KPNA6: variants seen among roughly 807,000 people sequenced by gnomAD.
KPNA6 encodes karyopherin subunit alpha 6.
In KPNA6, 9 loss-of-function variants were observed where a neutral mutation model predicts 72.0. The ratio of observed to expected loss-of-function variants is 0.13; its 90% CI spans 0.08 to 0.22. The LOEUF is 0.22. Ranked by LOEUF, KPNA6 falls within the 10% of genes least tolerant of loss-of-function variation. The pLI is 1.00. For synonymous variants in KPNA6, 219 were observed against 242.1 expected (o/e 0.90, Z 0.89); for missense variants, 374 against 655.7 (o/e 0.57, Z 4.69).
chr1:32,136,092 T>A (rs1028801870), intron 1 of KPNA6, among the ~76,000 whole-genome samples: 2 of 152,184 alleles, frequency 1.3e-5, no homozygotes, highest in African/African-American at 4.8e-5. Flanking sequence ...TTGTAGTAGA[T>A]GTGTCTTACA....
Position 32,159,548 on chromosome 1 carries a change from G to A in KPNA6, c.558+17G>A. 6.2e-7 allele frequency: 1 copy of A among 1,611,672 alleles called. No individual in the cohort carries two copies. The highest frequency in any genetic ancestry group is 8.5e-7 in the Non-Finnish European group (1 of 1,178,822). Reference sequence around the variant, plus strand: ...CAGGAACAGGTAATGCTTAGATTTGGTGTGATTCTTTATAGTACCTGTGGT... The same window carrying A: ...CAGGAACAGGTAATGCTTAGATTTGATGTGATTCTTTATAGTACCTGTGGT... On this transcript the variant is annotated intron_variant, in intron 6 of 13. Coordinates refer to ENST00000373625, the MANE Select transcript of KPNA6 (RefSeq NM_012316.5).
At chr1:32,150,127 C>CTTTTTTTTTTTTTTTGTTTTTTTTTTTT (rs1642002135) in intron 1 of KPNA6, among the ~76,000 whole-genome samples, 1 of 87,058 alleles carries the variant, frequency 1.1e-5, no homozygotes, top group Non-Finnish European at 2.2e-5. Flanking sequence ...AATTTTTAGT[C>CTTTTTTTTTTTTTTTGTTTTTTTTTTTT]TTTTTTTTTT....
At chr1:32,137,725 G>A (rs561784424) in intron 1 of KPNA6, among the ~76,000 whole-genome samples, 2 of 152,282 alleles carry the variant, frequency 1.3e-5, no homozygotes, top group South Asian at 4.1e-4. Context: ...TTTATTGGAG[G>A]TGGTCAGTAG....
Position 32,166,226 on chromosome 1 carries a change from T to C in KPNA6, c.1112T>C (p.Ile371Thr). ...SNITAGNRAQ[I>T]QAVIDANIFP... is the part of the protein sequence containing the mutation. The stretch of plus-strand genomic sequence containing the variant: ...ATTACTGCTGGCAACAGGGCTCAAA[T>C]ACAGGTAAAACAGGCAGGGAAGTCA... The change falls in exon 11 of 14, where the codon ATA (isoleucine) becomes ACA (threonine). Residue 371 changes from isoleucine (I) to threonine (T), a missense_variant. This residue lies in a region of KPNA6 where 298 missense variants were observed against 495.4 expected (regional missense o/e 0.60). Coordinates refer to ENST00000373625, the MANE Select transcript of KPNA6 (RefSeq NM_012316.5). 1 of 1,612,690 alleles carries C rather than the reference T, an allele frequency of 6.2e-7. No individual in the cohort carries two copies. Among genetic ancestry groups the C allele is most frequent in the Non-Finnish European group, 8.5e-7 (1 of 1,179,570 alleles).
chr1:32,161,853 T>G, intron 7 of KPNA6, 94 bp from the exon 8 acceptor site: 9 of 885,912 alleles, frequency 1.0e-5, no homozygotes, highest in Non-Finnish European at 1.6e-5. Context: ...TGCTAGAGTC[T>G]GAGAGGTCTC....
At chr1:32,115,769 G>A (rs1259507134) in intron 1 of KPNA6, among the ~76,000 whole-genome samples, 1 of 151,638 alleles carries the variant, frequency 6.6e-6, no homozygotes, top group Non-Finnish European at 1.5e-5. Flanking sequence ...TTTTTGAGAC[G>A]GAGTCTCACT....
At chr1:32,139,741 TTTG>T (rs1641805763) in intron 1 of KPNA6, among the ~76,000 whole-genome samples, 2 of 152,216 alleles carry the variant, frequency 1.3e-5, no homozygotes, top group African/African-American at 4.8e-5. Flanking sequence ...TTAAAATGGC[TTTG>T]TTGTTTGCAG....
chr1:32,129,648 C>T (rs535711794), intron 1 of KPNA6, among the ~76,000 whole-genome samples: 31 of 152,200 alleles, frequency 2.0e-4, no homozygotes, highest in Admixed American at 1.5e-3. Flanking sequence ...CTTGATCTCC[C>T]GGGCTCAAGT....
In KPNA6 at chr1:32,166,172, G is replaced by A. The variant is rs1642334614; in HGVS notation, c.1058G>A (p.Arg353Gln). 4 of 1,614,086 alleles carry A rather than the reference G, an allele frequency of 2.5e-6. No homozygotes were observed. The highest frequency in any genetic ancestry group is 3.4e-6 in the Non-Finnish European group (4 of 1,180,010). ...TTGAGCAGTCCCAAGGAGTCAATCC[G>A]GAAGGAAGCTTGCTGGACTATTTCA... is the stretch of plus-strand genomic sequence containing the variant. ...HLLSSPKESI[R>Q]KEACWTISNI... Residue 353 changes from arginine to glutamine, a missense_variant, in exon 11 of 14, where the codon CGG becomes CAG. This residue lies in a region of KPNA6 where 298 missense variants were observed against 495.4 expected (regional missense o/e 0.60). Coordinates refer to ENST00000373625, the MANE Select transcript of KPNA6 (RefSeq NM_012316.5).
At chr1:32,157,507 A>G (rs41311207) in intron 4 of KPNA6, 62 bp downstream of exon 4, 102,948 of 1,216,554 alleles carry the variant, frequency 0.085, 6,346 homozygotes, top group South Asian at 0.23. Flanking sequence ...CTCTTCACTG[A>G]TGTCATCAAC....
chr1:32,108,765 A>G (rs888924528), intron 1 of KPNA6, among the ~76,000 whole-genome samples: 24 of 152,204 alleles, frequency 1.6e-4, no homozygotes, highest in African/African-American at 5.8e-4. Flanking sequence ...ACCAAAGGCC[A>G]AGTCCTCTTG....
intron 1 of KPNA6, among the ~76,000 whole-genome samples, chr1:32,141,766 T>C (rs529715805): frequency 6.6e-6 from 1 of 152,202 alleles, no homozygotes; most frequent in East Asian, 1.9e-4. Flanking sequence ...TTTACTTCGA[T>C]TGTCGCCTTT....
At chr1:32,128,387 T>TATATATA (rs1553127101) in intron 1 of KPNA6, among the ~76,000 whole-genome samples, 2 of 72,168 alleles carry the variant, frequency 2.8e-5, no homozygotes, top group South Asian at 4.8e-4. Context: ...ATATATGTAT[T>TATATATA]TATATATATA....
At chr1:32,115,129 C>G (rs1005396220) in intron 1 of KPNA6, among the ~76,000 whole-genome samples, 1 of 151,762 alleles carries the variant, frequency 6.6e-6, no homozygotes, top group Non-Finnish European at 1.5e-5. Flanking sequence ...CATGAGCCAC[C>G]ACACCCGGCT....
At position 32,173,869 on chromosome 1, in the gene KPNA6, T is replaced by C. The variant is rs951998363; in HGVS notation, c.*2975T>C. 2 of 152,334 alleles carry C rather than the reference T, an allele frequency of 1.3e-5. No homozygotes were observed. Among genetic ancestry groups the C allele is most frequent in the Admixed American group, 1.3e-4 (2 of 15,278 alleles). 9.4% of individuals were successfully genotyped at this position (152,334 alleles called of 1,614,324 possible). ...GTTGGCATATGGCTGGTCTATCCTTTTTAAGATCTCTGGTTGGGGGTATCT... is the reference window on the plus strand; with the variant it reads ...GTTGGCATATGGCTGGTCTATCCTTCTTAAGATCTCTGGTTGGGGGTATCT... On this transcript the variant is annotated 3_prime_UTR_variant, in exon 14 of 14. Coordinates refer to ENST00000373625, the MANE Select transcript of KPNA6 (RefSeq NM_012316.5).
chr1:32,156,506 C>T lies in KPNA6; in HGVS notation c.139-347C>T, dbSNP rs543445608. Among the ~76,000 whole-genome samples, 4 of 152,252 alleles carry T rather than the reference C, an allele frequency of 2.6e-5. No homozygotes were observed. The East Asian group carries it at 5.8e-4, about 22-fold the overall frequency. On this transcript the variant is annotated intron_variant, in intron 2 of 13. Transcript: ENST00000373625. ...TTATTAAGTGACTAACTGGCAGCAG[C>T]GTATACAGCATGGAATGGATGCACT...
intron 1 of KPNA6, among the ~76,000 whole-genome samples, chr1:32,119,801 G>C (rs1240293570): frequency 1.3e-5 from 2 of 148,766 alleles, no homozygotes; most frequent in Admixed American, 1.4e-4. Flanking sequence ...CTAGAGTGCA[G>C]TGGCACGATC....
chr1:32,133,806 G>A (rs1293980469), intron 1 of KPNA6, among the ~76,000 whole-genome samples: 2 of 152,082 alleles, frequency 1.3e-5, no homozygotes, highest in African/African-American at 4.8e-5. Flanking sequence ...TTTGGAGGCC[G>A]AGGCAGGCGG....
intron 1 of KPNA6, among the ~76,000 whole-genome samples, chr1:32,116,961 T>C (rs1040286140): frequency 3.3e-5 from 5 of 152,182 alleles, no homozygotes; most frequent in African/African-American, 7.2e-5. Context: ...CTCCATCTTA[T>C]ATGACCATGG....
Sources: allele counts gnomAD v4.1 joint callset (sites outside exome capture counted in the v4.1 genomes callset), GRCh38; gene constraint gnomAD v4.1.1; regional missense constraint gnomAD v4.1.1; transcripts MANE v1.5; gene names NCBI Gene and HGNC (gene_info 2026-07-23, HGNC 2026-07-21).